The following IGSF10 variants were observed in gnomAD, a reference collection of about 807,000 sequenced individuals.
The protein encoded by IGSF10 is immunoglobulin superfamily member 10.
Under a neutral mutation model 128.2 loss-of-function variants are expected in IGSF10, and 126 were observed. That is an observed-to-expected ratio of 0.98 (90% confidence interval 0.85 to 1.14). IGSF10 has a LOEUF of 1.14. Ranked by LOEUF, IGSF10 falls within the 50% of genes most tolerant of loss-of-function variation. IGSF10 has a pLI of 0.00. For synonymous variants in IGSF10, 1,185 were observed against 1,146.2 expected (o/e 1.03, Z -0.68); for missense variants, 3,295 against 3,149.8 (o/e 1.05, Z -1.10).
At chr3:151,491,223 G>A in the IGSF10 span, among the ~76,000 whole-genome samples, 1 of 152,136 alleles carries the variant, frequency 6.6e-6, no homozygotes, top group Non-Finnish European at 1.5e-5. Context: ...GAACAACTAT[G>A]TACCAACACA....
At chr3:151,533,306 A>G in the IGSF10 span, among the ~76,000 whole-genome samples, 2 of 152,216 alleles carry the variant, frequency 1.3e-5, no homozygotes, top group South Asian at 4.1e-4. Flanking sequence ...ATTGGAAAAA[A>G]CTACTTTAAA....
chr3:151,434,057 A>G (rs1195018390), downstream of IGSF10: 1 of 152,588 alleles, frequency 6.6e-6, no homozygotes, highest in Non-Finnish European at 1.5e-5. Context: ...ATTTAGATGC[A>G]TAAAATTTTG....
chr3:151,569,130 G>A, the IGSF10 span, among the ~76,000 whole-genome samples: 1 of 152,162 alleles, frequency 6.6e-6, no homozygotes, highest in African/African-American at 2.4e-5. Context: ...GGAGGGCAGT[G>A]GCAAGATCTT....
chr3:151,563,078 C>T, the IGSF10 span, among the ~76,000 whole-genome samples: 1 of 151,184 alleles, frequency 6.6e-6, no homozygotes, highest in Non-Finnish European at 1.5e-5. Flanking sequence ...TGGCCACTCC[C>T]GGATTCCTTA....
the IGSF10 span, among the ~76,000 whole-genome samples, chr3:151,511,196 G>A: frequency 1.7e-4 from 26 of 152,270 alleles, no homozygotes; most frequent in Middle Eastern, 3.4e-3. Context: ...AGGAAAAAAT[G>A]TTAAGGGCAG....
intron 7 of IGSF10, 54 bp from the exon 8 acceptor site, chr3:151,438,651 T>G: frequency 7.1e-7 from 1 of 1,415,934 alleles, no homozygotes; most frequent in Non-Finnish European, 9.7e-7. Context: ...TGAGGGAAAC[T>G]GTTTTACTCA....
In IGSF10 at chr3:151,461,048, G is replaced by C. The variant is rs79669574; in HGVS notation, c.-191C>G. 2.0e-6 allele frequency: 2 copies of C among 985,166 alleles called. No individual in the cohort carries two copies. The highest frequency in any genetic ancestry group is 9.4e-5 in the South Asian group (2 of 21,286). The allele number at this position is 985,166 out of a possible 1,614,324, so 61.0% of individuals were successfully genotyped here. A position where few individuals can be genotyped will look rare whatever the true frequency, so the allele number is the denominator to read the frequency against. On this transcript the variant is annotated 5_prime_UTR_variant, in exon 1 of 8. Transcript: ENST00000282466. ...TCGTGCGGAGCTGGTCCGGAGCTCT[G>C]GGAGGGAAGGAAGGAAGGCGGAGCG...
chr3:151,510,626 C>T, the IGSF10 span, among the ~76,000 whole-genome samples: 7 of 152,104 alleles, frequency 4.6e-5, no homozygotes, highest in Admixed American at 2.0e-4. Flanking sequence ...ATGACTTTGA[C>T]GAGTTGAGAA....
rs774783617 is a variant in IGSF10 at position 151,437,196 on chromosome 3, C to CACACAATG, written c.7357_7364dup (p.Ser2456IlefsTer21). 1 of 1,614,202 alleles carries CACACAATG rather than the reference C, an allele frequency of 6.2e-7. No individual in the cohort carries two copies. Among genetic ancestry groups the CACACAATG allele is most frequent in the Admixed American group, 1.7e-5 (1 of 60,026 alleles). On this transcript the variant is annotated frameshift_variant, in exon 8 of 8. Transcript: ENST00000282466. LOFTEE classifies it low-confidence loss of function (END_TRUNC). ...TATTTGGCTTAGGGATTCCATCAGACACACAATGCAGTGATAGAGATTCTC... is the reference window on the plus strand; with the variant it reads ...TATTTGGCTTAGGGATTCCATCAGACACACAATGACACAATGCAGTGATAGAGATTCTC...
the IGSF10 span, among the ~76,000 whole-genome samples, chr3:151,587,158 T>G: frequency 6.6e-6 from 1 of 152,130 alleles, no homozygotes; most frequent in Non-Finnish European, 1.5e-5. Context: ...CCATGCAGCC[T>G]CTCTATATCT....
the IGSF10 span, among the ~76,000 whole-genome samples, chr3:151,525,877 T>C: frequency 5.6e-4 from 85 of 152,166 alleles, no homozygotes; most frequent in African/African-American, 2.0e-3. Flanking sequence ...ATCCCTTCAC[T>C]TTTTTTTCCA....
At chr3:151,481,980 C>T in the IGSF10 span, among the ~76,000 whole-genome samples, 3 of 152,206 alleles carry the variant, frequency 2.0e-5, no homozygotes, top group Admixed American at 6.5e-5. Context: ...TCCACTATAT[C>T]CACATGGAAC....
chr3:151,567,382 C>T, the IGSF10 span, among the ~76,000 whole-genome samples: 2 of 152,160 alleles, frequency 1.3e-5, no homozygotes, highest in African/African-American at 4.8e-5. Flanking sequence ...CATCTGTAAA[C>T]CAGGACTGTA....
At position 151,437,928 on chromosome 3, in the gene IGSF10, G is replaced by T; in HGVS notation, c.6633C>A (p.Tyr2211Ter). 1.2e-6 allele frequency: 2 copies of T among 1,614,142 alleles called. No individual in the cohort carries two copies. The highest frequency in any genetic ancestry group is 2.2e-5 in the East Asian group (1 of 44,882). ...NKVKLLDSGE[Y>*]VCVARNPSGD... ...CACTGGGATTTCGGGCTACACATAC[G>T]TACTCTCCAGAATCGAGCAGTTTCA... The change falls in exon 8 of 8, where the codon TAC (tyrosine) becomes TAA (stop). Residue 2211 changes from tyrosine to a stop codon, truncating the protein, a stop_gained. Coordinates refer to ENST00000282466, the MANE Select transcript of IGSF10 (RefSeq NM_178822.5). LOFTEE classifies it low-confidence loss of function (END_TRUNC).
chr3:151,460,992 C>T lies in IGSF10; in HGVS notation c.-135G>A. On this transcript the variant is annotated 5_prime_UTR_variant, in exon 1 of 8. Transcript: ENST00000282466. ...GGGCTCGAGCTGCCCGGGCTAGGTC[C>T]CGGGCTCGGTCCCGGGCTCAGCTGC... 1.4e-5 allele frequency: 14 copies of T among 981,596 alleles called. No homozygotes were observed. The highest frequency in any genetic ancestry group is 1.7e-5 in the Non-Finnish European group (14 of 826,388). The allele number at this position is 981,596 out of a possible 1,614,324, so 60.8% of individuals were successfully genotyped here. A position where few individuals can be genotyped will look rare whatever the true frequency, so the allele number is the denominator to read the frequency against.
the IGSF10 span, among the ~76,000 whole-genome samples, chr3:151,609,097 AT>A: frequency 2.6e-4 from 40 of 152,322 alleles, no homozygotes; most frequent in Non-Finnish European, 3.5e-4. Context: ...TGAAGAAGAT[AT>A]TTGAGCTGAG....
rs976956664 is a variant in IGSF10 at position 151,447,004 on chromosome 3, G to A, written c.2977C>T (p.Gln993Ter). ...PSDPHTAAHSQFPIPRNSTVN... is the reference protein window; with the variant it reads ...PSDPHTAAHS ...GTACTATTTCTAGGGATCGGAAACT[G>A]AGAATGAGCAGCTGTGTGTGGATCT... Residue 993 changes from glutamine (Q) to a stop codon, truncating the protein, a stop_gained, in exon 6 of 8, where the codon CAG becomes TAG. Transcript: ENST00000282466. LOFTEE classifies it high-confidence loss of function. The A allele has an allele frequency of 6.2e-7, 1 of 1,614,062 alleles. No homozygotes were observed. The highest frequency in any genetic ancestry group is 1.3e-5 in the African/African-American group (1 of 74,924).
In IGSF10 at chr3:151,447,077, G is replaced by A; in HGVS notation, c.2904C>T (p.His968=). 1.9e-6 allele frequency: 3 copies of A among 1,614,218 alleles called. No homozygotes were observed. Among genetic ancestry groups the A allele is most frequent in the Non-Finnish European group, 2.5e-6 (3 of 1,180,026 alleles). The change falls in exon 6 of 8, where the codon CAC becomes CAT. Residue 968 remains histidine, a synonymous_variant. Coordinates refer to ENST00000282466, the MANE Select transcript of IGSF10 (RefSeq NM_178822.5). ...VREVSEPRHN[H]FYSHTTQILS... ...GTATTTGAGTAGTGTGAGAATAGAA[G>A]TGATTGTGCCTGGGTTCACTCACTT...
chr3:151,539,126 T>C, the IGSF10 span, among the ~76,000 whole-genome samples: 114 of 152,238 alleles, frequency 7.5e-4, no homozygotes, highest in African/African-American at 2.7e-3. Context: ...GACCTGCAAA[T>C]ACAGATCCCT....
Sources: gnomAD v4.1 joint callset for allele counts (sites outside exome capture counted in the v4.1 genomes callset) on GRCh38, gnomAD v4.1.1 for gene constraint, MANE v1.5 for transcripts, NCBI Gene and HGNC (gene_info 2026-07-23, HGNC 2026-07-21) for gene names.